The following DLGAP1 variants were observed in gnomAD, a reference collection of about 807,000 sequenced individuals.
The protein encoded by DLGAP1 is DLG associated protein 1, also known as disks large-associated protein 1.
A neutral mutation model predicts 90.8 loss-of-function variants in DLGAP1; 11 were observed. The observed-to-expected ratio is 0.12, with a 90% CI of 0.08 to 0.20. The LOEUF is 0.20. Ranked by LOEUF, DLGAP1 falls within the 10% of genes least tolerant of loss-of-function variation. DLGAP1 has a pLI of 1.00. For synonymous variants in DLGAP1, 558 were observed against 540.7 expected, an observed-to-expected ratio of 1.03 and a Z score of -0.44; for missense variants, 1,050 against 1,333.8, an observed-to-expected ratio of 0.79 and a Z score of 3.31.
chr18:4,312,399 T>C (rs1598876624), intron 1 of DLGAP1, among the ~76,000 whole-genome samples: 1 of 152,226 alleles, frequency 6.6e-6, no homozygotes, highest in Non-Finnish European at 1.5e-5. Flanking sequence ...GTCCCCAATT[T>C]ATGATGGTTC....
chr18:4,054,137 C>T (rs560972752), intron 2 of DLGAP1, among the ~76,000 whole-genome samples: 4 of 152,276 alleles, frequency 2.6e-5, no homozygotes, highest in South Asian at 4.1e-4. Flanking sequence ...AGAACTTTCT[C>T]TCATGATTCT....
At chr18:3,753,093 C>CA (rs1164350083) in intron 5 of DLGAP1, among the ~76,000 whole-genome samples, 2 of 152,134 alleles carry the variant, frequency 1.3e-5, no homozygotes, top group Non-Finnish European at 2.9e-5. Flanking sequence ...TCTGGAATGA[C>CA]AGAGAGGAAT....
rs577208170 is a variant in DLGAP1 at position 3,925,300 on chromosome 18, T to A, written c.-72-45160A>T. Among the ~76,000 whole-genome samples the A allele has an allele frequency of 2.1e-3, 311 of 150,698 alleles. 2 individuals carry two copies. Among genetic ancestry groups the A allele is most frequent in the African/African-American group, 6.9e-3 (282 of 40,950 alleles). On this transcript the variant is annotated intron_variant, in intron 3 of 12. Transcript: ENST00000315677. ...GATTTGTGGGATTTTTTTTTTTTTT[T>A]AATTTCAAGATCCCAAAGAACATGT...
In DLGAP1 at chr18:3,499,664, G is replaced by A. The variant is rs1486775290; in HGVS notation, c.2725-270C>T. On this transcript the variant is annotated intron_variant, in intron 12 of 12. Coordinates refer to ENST00000315677, the MANE Select transcript of DLGAP1 (RefSeq NM_004746.4). The surrounding 1 kb of genome is among the most constrained non-coding windows in gnomAD (Gnocchi z 6.4). ...AAGGGAAGGAAGTGGGTATTTTAAA[G>A]GCCCCCTGCGGAAAGCCTGCGGCTC... Among the ~76,000 whole-genome samples, 10 of 152,242 alleles carry A rather than the reference G, an allele frequency of 6.6e-5. No individual in the cohort carries two copies. Among genetic ancestry groups the A allele is most frequent in the African/African-American group, 2.4e-4 (10 of 41,538 alleles).
chr18:4,178,862 A>G (rs1402352552), intron 1 of DLGAP1, among the ~76,000 whole-genome samples: 2 of 152,202 alleles, frequency 1.3e-5, no homozygotes, highest in African/African-American at 2.4e-5. Context: ...AGAGTATGCA[A>G]TATAGAAATG....
intron 3 of DLGAP1, among the ~76,000 whole-genome samples, chr18:3,910,648 G>A (rs1025136702): frequency 3.3e-5 from 5 of 152,112 alleles, no homozygotes; most frequent in Non-Finnish European, 2.9e-5. Context: ...CAAAATTGGC[G>A]ATTCGGAATC....
chr18:4,421,706 G>T (rs903574626), intron 1 of DLGAP1, among the ~76,000 whole-genome samples: 1 of 152,020 alleles, frequency 6.6e-6, no homozygotes, highest in Non-Finnish European at 1.5e-5. Flanking sequence ...TAGTTTTTTA[G>T]TTTTTATTTT....
intron 1 of DLGAP1, among the ~76,000 whole-genome samples, chr18:4,450,784 T>C (rs754928203): frequency 6.6e-6 from 1 of 152,218 alleles, no homozygotes; most frequent in Admixed American, 6.5e-5. Context: ...GATAAGTGAA[T>C]ATGAAAATGA....
chr18:3,674,480 C>T (rs1157675933), intron 7 of DLGAP1, among the ~76,000 whole-genome samples: 5 of 151,500 alleles, frequency 3.3e-5, no homozygotes, highest in African/African-American at 1.2e-4. Flanking sequence ...ATCAGCTGGG[C>T]GCACTGGTGC....
chr18:4,341,955 C>T (rs1312013990), intron 1 of DLGAP1, among the ~76,000 whole-genome samples: 2 of 152,016 alleles, frequency 1.3e-5, no homozygotes, highest in African/African-American at 4.8e-5. Flanking sequence ...GGTGGCGTGA[C>T]TTTGAGCAAA....
intron 3 of DLGAP1, among the ~76,000 whole-genome samples, chr18:3,888,076 G>C (rs1216302913): frequency 5.7e-5 from 7 of 123,368 alleles, no homozygotes; most frequent in South Asian, 2.7e-4. Context: ...CCACTGCACT[G>C]CAGCCTGGAC....
At chr18:4,012,739 A>G (rs1568351485) in intron 2 of DLGAP1, among the ~76,000 whole-genome samples, 2 of 146,930 alleles carry the variant, frequency 1.4e-5, no homozygotes, top group East Asian at 3.9e-4. Context: ...TTTTTGAGAC[A>G]GGGTCTTACT....
rs367676493 is a variant in DLGAP1, at chr18:3,748,311, G to A, written c.1173-5799C>T. On this transcript the variant is annotated intron_variant, in intron 5 of 12. Transcript: ENST00000315677. ...CGGAAGGCTGCCATTGCGAAGAAGAGCGTGTACAGTAATCATCAGACCACA... is the reference window on the plus strand; with the variant it reads ...CGGAAGGCTGCCATTGCGAAGAAGAACGTGTACAGTAATCATCAGACCACA... Among the ~76,000 whole-genome samples the A allele has an allele frequency of 3.6e-4, 55 of 152,352 alleles. 1 individual carries two copies. In the South Asian group the frequency reaches 0.011, roughly 31 times the overall value.
intron 7 of DLGAP1, among the ~76,000 whole-genome samples, chr18:3,702,221 G>C (rs1029060952): frequency 2.0e-5 from 3 of 152,030 alleles, no homozygotes; most frequent in African/African-American, 7.2e-5. Context: ...CCGGCATGAA[G>C]TTTCACCATG....
At chr18:4,402,936 A>G (rs1027772288) in intron 1 of DLGAP1, among the ~76,000 whole-genome samples, 14 of 152,200 alleles carry the variant, frequency 9.2e-5, no homozygotes, top group African/African-American at 3.4e-4. Context: ...GTACACTCTG[A>G]AATCTTTCAC....
At chr18:3,710,505 C>T (rs1195232920) in intron 7 of DLGAP1, among the ~76,000 whole-genome samples, 3 of 152,342 alleles carry the variant, frequency 2.0e-5, no homozygotes, top group East Asian at 1.9e-4. Flanking sequence ...GAAAAGCTCC[C>T]GTCAAGGACG....
chr18:4,129,575 C>T (rs7407268), intron 2 of DLGAP1, among the ~76,000 whole-genome samples: 16,058 of 152,122 alleles, frequency 0.11, 957 homozygotes, highest in East Asian at 0.19. Flanking sequence ...TCTAAGACTA[C>T]AAGGAACACT....
intron 7 of DLGAP1, among the ~76,000 whole-genome samples, chr18:3,636,026 C>T (rs901939702): frequency 1.3e-5 from 2 of 151,536 alleles, no homozygotes; most frequent in South Asian, 4.2e-4. Context: ...GGGATTTTGA[C>T]AGTTGGGCCC....
intron 7 of DLGAP1, among the ~76,000 whole-genome samples, chr18:3,583,778 T>C (rs1296423435): frequency 1.3e-5 from 2 of 152,158 alleles, no homozygotes; most frequent in African/African-American, 4.8e-5. Context: ...TGAAACCTCA[T>C]CTGTACTAAA....
Sources: gnomAD v4.1 joint callset for allele counts (sites outside exome capture counted in the v4.1 genomes callset) on GRCh38, gnomAD v4.1.1 for gene constraint, Gnocchi (gnomAD v3.1) non-coding constraint, MANE v1.5 for transcripts, NCBI Gene and HGNC (gene_info 2026-07-23, HGNC 2026-07-21) for gene names.